Variants in CBLC observed in about 807,000 individuals in gnomAD.
The protein encoded by CBLC is E3 ubiquitin-protein ligase CBL-C.
Under a neutral mutation model 58.6 loss-of-function variants are expected in CBLC, and 46 were observed. The observed-to-expected ratio is 0.79, with a 90% CI of 0.62 to 1.00. CBLC has a LOEUF of 1.00. Ranked by LOEUF, CBLC falls within the 50% of genes least tolerant of loss-of-function variation. The pLI is 0.00. For synonymous variants in CBLC, 271 were observed against 264.2 expected, an observed-to-expected ratio of 1.03 and a Z score of -0.25; for missense variants, 655 against 625.8, an observed-to-expected ratio of 1.05 and a Z score of -0.50.
chr19:44,795,164 G>A (rs1568564828), intron 9 of CBLC, among the ~76,000 whole-genome samples: 1 of 151,594 alleles, frequency 6.6e-6, no homozygotes, highest in African/African-American at 2.4e-5. Context: ...TGCCACATTG[G>A]CCAGGCTGGT....
At chr19:44,784,970 T>G (rs1030450616) in intron 5 of CBLC, among the ~76,000 whole-genome samples, 79 of 124,074 alleles carry the variant, frequency 6.4e-4, no homozygotes, top group African/African-American at 2.2e-3. Flanking sequence ...TTTTTTTTTT[T>G]TTTTTTTTTT....
intron 5 of CBLC, among the ~76,000 whole-genome samples, chr19:44,785,532 GTAGATAGATAGATAGATAGATAGATAGA>G: frequency 6.7e-6 from 1 of 148,904 alleles, no homozygotes; most frequent in East Asian, 2.0e-4. Flanking sequence ...AGTCAGATAG[GTAGATAGATAGATAGATAGATAGATAGA>G]TAGATAGATA....
intron 1 of CBLC, among the ~76,000 whole-genome samples, chr19:44,779,782 G>C (rs1055173664): frequency 6.6e-6 from 1 of 151,916 alleles, no homozygotes. Context: ...CAAACTCCTG[G>C]CCTCATGCGA....
At chr19:44,781,114 G>A in intron 2 of CBLC, 63 bp downstream of exon 2, 1 of 1,580,290 alleles carries the variant, frequency 6.3e-7, no homozygotes, top group East Asian at 2.2e-5. Context: ...GGACCCAGGG[G>A]TCCAGGCCCA....
At chr19:44,778,417 A>G (rs180757442) in intron 1 of CBLC, 133 bp downstream of exon 1, 3 of 578,386 alleles carry the variant, frequency 5.2e-6, no homozygotes, top group East Asian at 8.7e-5. Context: ...GGCCCCCACC[A>G]CCTCCTCCCT....
chr19:44,793,631 C>T lies in CBLC; in HGVS notation c.1284+11C>T. On this transcript the variant is annotated intron_variant, in intron 8 of 10. Coordinates refer to ENST00000647358, the MANE Select transcript of CBLC (RefSeq NM_012116.4). ...TTGGAGCTGGGGCAGGTGAGCAGGG[C>T]CAGCCGGGAGCTGGAATCCAAATTC... 6.3e-7 allele frequency: 1 copy of T among 1,579,616 alleles called. No homozygotes were observed. The highest frequency in any genetic ancestry group is 2.3e-5 in the East Asian group (1 of 42,954).
At chr19:44,794,010 T>C (rs1175306321) in intron 8 of CBLC, 194 bp from the exon 9 acceptor site, 1 of 512,782 alleles carries the variant, frequency 2.0e-6, no homozygotes, top group Non-Finnish European at 2.5e-6. Flanking sequence ...GGAACTGGTC[T>C]TTTGCTTCCC....
chr19:44,780,131 C>G (rs1056089945), intron 1 of CBLC, among the ~76,000 whole-genome samples: 17 of 151,608 alleles, frequency 1.1e-4, no homozygotes, highest in Non-Finnish European at 1.6e-4. Flanking sequence ...CTGCAAAATT[C>G]AGCGTAATTT....
rs189694965 is a variant in CBLC at position 44,797,313 on chromosome 19, C to T, written c.1362+3032C>T. Among the ~76,000 whole-genome samples, 599 of 152,098 alleles carry T rather than the reference C, an allele frequency of 3.9e-3. 16 individuals are homozygous for T. Among genetic ancestry groups the T allele is most frequent in the Admixed American group, 0.032 (488 of 15,258 alleles). ...TCACCCAGGCTGGAGTGCAGTGGCA[C>T]GATCTCAGCCCATTGCAACCTCCGC... On this transcript the variant is annotated intron_variant, in intron 9 of 10. Coordinates refer to ENST00000647358, the MANE Select transcript of CBLC (RefSeq NM_012116.4).
chr19:44,785,416 G>C (rs1005287647), intron 5 of CBLC, among the ~76,000 whole-genome samples: 1 of 151,748 alleles, frequency 6.6e-6, no homozygotes, highest in Non-Finnish European at 1.5e-5. Context: ...AGGAAGACAG[G>C]TTTCTTTTCA....
chr19:44,780,755 G>A (rs1426893536), intron 1 of CBLC, 150 bp from the exon 2 acceptor site: 1 of 800,802 alleles, frequency 1.2e-6, no homozygotes, highest in African/African-American at 1.7e-5. Context: ...TTACAGGCGT[G>A]AGCCACCACG....
In CBLC at chr19:44,800,590, G is replaced by T. The variant is rs1968274517; in HGVS notation, c.*47G>T. The stretch of plus-strand genomic sequence containing the variant: ...CTGCTCAAGGGAGCCCCAAGGGCTG[G>T]AAGGGGGTTGTGAAACCGAAATAAA... On this transcript the variant is annotated 3_prime_UTR_variant, in exon 11 of 11. Transcript: ENST00000647358. The T allele has an allele frequency of 1.7e-6, 1 of 581,760 alleles. No individual in the cohort carries two copies. Among genetic ancestry groups the T allele is most frequent in the Non-Finnish European group, 3.1e-6 (1 of 325,668 alleles). 36.0% of individuals were successfully genotyped at this position (581,760 alleles called of 1,614,324 possible).
chr19:44,783,289 C>A (rs879257796), intron 4 of CBLC, among the ~76,000 whole-genome samples: 1 of 151,672 alleles, frequency 6.6e-6, no homozygotes, highest in Non-Finnish European at 1.5e-5. Context: ...GGTGGATCAC[C>A]TGAGGTCAGG....
chr19:44,784,487 C>A, intron 5 of CBLC, 86 bp downstream of exon 5: 1 of 1,337,400 alleles, frequency 7.5e-7, no homozygotes, highest in Non-Finnish European at 1.0e-6. Context: ...GTGGCCACCA[C>A]GTTTGAGGGT....
rs369254240 is a variant in CBLC, at chr19:44,779,619, A to G, written c.354-1286A>G. 1.4e-3 allele frequency among the ~76,000 whole-genome samples: 212 copies of G among 148,512 alleles called. 1 individual carries two copies. The highest frequency in any genetic ancestry group is 0.012 in the East Asian group (63 of 5,086). ...CAGACTGGAGGGCAGTGGCACCATC[A>G]TGACTCACTGCAGCCTCCAACTCCT... On this transcript the variant is annotated intron_variant, in intron 1 of 10. Transcript: ENST00000647358.
chr19:44,792,270 G>A (rs543768773), intron 6 of CBLC, 113 bp from the exon 7 acceptor site: 3 of 1,182,376 alleles, frequency 2.5e-6, no homozygotes, highest in Admixed American at 1.8e-5. Flanking sequence ...TGGGATTACA[G>A]GCGTGAGCCA....
Sources: gnomAD v4.1 joint callset for allele counts (sites outside exome capture counted in the v4.1 genomes callset) on GRCh38, gnomAD v4.1.1 for gene constraint, MANE v1.5 for transcripts, NCBI Gene and HGNC (gene_info 2026-07-23, HGNC 2026-07-21) for gene names.